Variants in PTPN9 observed in about 807,000 individuals in gnomAD.
PTPN9 encodes the protein tyrosine-protein phosphatase non-receptor type 9.
PTPN9 carries 26 observed loss-of-function variants against 69.8 expected under a neutral mutation model. That is an observed-to-expected ratio of 0.37 (90% confidence interval 0.27 to 0.52). The LOEUF (loss-of-function observed/expected upper bound fraction) is 0.52, where lower values mean the gene tolerates loss of function less well. Among genes scored for constraint, PTPN9 ranks in the 20% least tolerant of loss-of-function variants. PTPN9 has a pLI of 0.91. For synonymous variants in PTPN9, 274 were observed against 272.5 expected (o/e 1.01, Z -0.05); for missense variants, 549 against 740.3 (o/e 0.74, Z 3.00).
At chr15:75,556,303 C>A (rs2075077080) in intron 1 of PTPN9, among the ~76,000 whole-genome samples, 1 of 151,474 alleles carries the variant, frequency 6.6e-6, no homozygotes, top group Admixed American at 6.6e-5. Context: ...ACCTCGTGAT[C>A]CCCCCTGCCT....
chr15:75,503,294 T>C (rs2074785088), intron 7 of PTPN9, among the ~76,000 whole-genome samples: 1 of 140,512 alleles, frequency 7.1e-6, no homozygotes, highest in African/African-American at 2.8e-5. Context: ...CGCTGCCCCG[T>C]CTGGGATGTG....
At chr15:75,500,138 AC>A (rs2074764717) in intron 7 of PTPN9, among the ~76,000 whole-genome samples, 1 of 152,086 alleles carries the variant, frequency 6.6e-6, no homozygotes, top group East Asian at 1.9e-4. Context: ...ACACAGTGAA[AC>A]CCCATCTCTA....
Position 75,473,768 on chromosome 15 carries a change from C to G in PTPN9, c.1130-1G>C, listed in dbSNP as rs2074581350. On this transcript the variant is annotated splice_acceptor_variant, in intron 9 of 12. Transcript: ENST00000618819. LOFTEE classifies it high-confidence loss of function. ...TCACGATAGGTATTCTCCAAAGGACCTGAAATAAAAGGAGAAGACAAGAAA... is the reference window on the plus strand; with the variant it reads ...TCACGATAGGTATTCTCCAAAGGACGTGAAATAAAAGGAGAAGACAAGAAA... 1 of 1,563,822 alleles carries G rather than the reference C, an allele frequency of 6.4e-7. No homozygotes were observed.
At chr15:75,488,859 A>T (rs974618997) in intron 8 of PTPN9, among the ~76,000 whole-genome samples, 1 of 151,696 alleles carries the variant, frequency 6.6e-6, no homozygotes, top group African/African-American at 2.4e-5. Flanking sequence ...GGGGATGCAT[A>T]AGATGCAGGA....
intron 1 of PTPN9, among the ~76,000 whole-genome samples, chr15:75,576,580 C>A (rs764826679): frequency 1.3e-5 from 2 of 151,030 alleles, no homozygotes; most frequent in East Asian, 1.9e-4. Flanking sequence ...GAGGACGAGG[C>A]GGGCAGATCA....
chr15:75,481,700 G>A (rs1457875193), intron 8 of PTPN9, among the ~76,000 whole-genome samples: 1 of 2,810 alleles, frequency 3.6e-4, no homozygotes. Flanking sequence ...CGGGAGGGAG[G>A]TGGGGGGGGT....
intron 1 of PTPN9, among the ~76,000 whole-genome samples, chr15:75,561,242 G>A (rs1223021873): frequency 6.6e-6 from 1 of 151,818 alleles, no homozygotes; most frequent in Non-Finnish European, 1.5e-5. Context: ...TTAAACCCAG[G>A]CGATGGAGGT....
chr15:75,486,017 A>G (rs1852646058), intron 8 of PTPN9, among the ~76,000 whole-genome samples: 2 of 150,210 alleles, frequency 1.3e-5, no homozygotes, highest in Admixed American at 1.3e-4. Context: ...GGAGAATGGC[A>G]CGAACCCGGG....
chr15:75,474,117 C>A (rs971308355), intron 9 of PTPN9, among the ~76,000 whole-genome samples: 13 of 152,222 alleles, frequency 8.5e-5, no homozygotes, highest in African/African-American at 3.1e-4. Flanking sequence ...GTTTTCATCT[C>A]ACCTAAGCTT....
At chr15:75,534,049 TG>T (rs1398091567) in intron 1 of PTPN9, among the ~76,000 whole-genome samples, 1 of 152,198 alleles carries the variant, frequency 6.6e-6, no homozygotes, top group African/African-American at 2.4e-5. Context: ...GAAAGTTTAG[TG>T]TGGTTTTGGG....
chr15:75,469,827 A>G lies in PTPN9; in HGVS notation c.1532T>C (p.Ile511Thr), dbSNP rs753290383. ...RSKGQCPEPP[I>T]VVHCSAGIGR... ...AATGCCTGCACTGCAATGGACCACA[A>G]TGGGTGGCTCAGGGCACTGCCCTTT... is the stretch of plus-strand genomic sequence containing the variant. Residue 511 changes from isoleucine to threonine, a missense_variant, in exon 12 of 13, where the codon ATT becomes ACT. Transcript: ENST00000618819. The G allele has an allele frequency of 6.2e-7, 1 of 1,613,396 alleles. No homozygotes were observed. Among genetic ancestry groups the G allele is most frequent in the Non-Finnish European group, 8.5e-7 (1 of 1,180,012 alleles).
chr15:75,490,200 C>T lies in PTPN9; in HGVS notation c.1062+8G>A, dbSNP rs753859573. On this transcript the variant is annotated splice_region_variant and intron_variant, in intron 8 of 12. Transcript: ENST00000618819. ...GTGCACCTAAAAAGATTACATTTAT[C>T]TGTCTACCTGAGTATGGCCACTTCG... is the stretch of plus-strand genomic sequence containing the variant. 32 of 1,588,852 alleles carry T rather than the reference C, an allele frequency of 2.0e-5. No homozygotes were observed. The South Asian group carries it at 3.4e-4, about 17-fold the overall frequency.
chr15:75,558,687 C>T (rs1224642473), intron 1 of PTPN9, among the ~76,000 whole-genome samples: 2 of 152,204 alleles, frequency 1.3e-5, no homozygotes. Flanking sequence ...CGCCGCCACA[C>T]CTGACTGGTT....
intron 1 of PTPN9, among the ~76,000 whole-genome samples, chr15:75,553,436 G>A (rs542445703): frequency 5.9e-5 from 9 of 152,210 alleles, no homozygotes; most frequent in South Asian, 2.1e-4. Flanking sequence ...GAGGGTCACC[G>A]GCAAATTAGA....
At chr15:75,544,820 T>TC (rs372390286) in intron 1 of PTPN9, among the ~76,000 whole-genome samples, 7 of 152,190 alleles carry the variant, frequency 4.6e-5, no homozygotes, top group Admixed American at 3.9e-4. Flanking sequence ...ATTTTTTTTT[T>TC]CTCTTCTTCC....
chr15:75,470,394 G>T (rs2074557773), intron 11 of PTPN9, among the ~76,000 whole-genome samples: 1 of 152,234 alleles, frequency 6.6e-6, no homozygotes, highest in Non-Finnish European at 1.5e-5. Context: ...GGGCTCAAGT[G>T]ATCCTTCCAC....
Position 75,568,380 on chromosome 15 carries a change from C to T in PTPN9, c.63+10334G>A, listed in dbSNP as rs139876171. 5.0e-3 allele frequency among the ~76,000 whole-genome samples: 759 copies of T among 151,250 alleles called. 1 individual carries two copies. The highest frequency in any genetic ancestry group is 8.3e-3 in the Non-Finnish European group (565 of 67,776). ...CTGGGCATGGTGGTGTGGTGGTGCA[C>T]GCTTTTAGTCCCAGCTTCTTGGGAG... is the stretch of plus-strand genomic sequence containing the variant. On this transcript the variant is annotated intron_variant, in intron 1 of 12. Coordinates refer to ENST00000618819, the MANE Select transcript of PTPN9 (RefSeq NM_002833.4).
At chr15:75,520,472 AG>A (rs2074897351) in intron 4 of PTPN9, among the ~76,000 whole-genome samples, 2 of 142,438 alleles carry the variant, frequency 1.4e-5, no homozygotes, top group Admixed American at 7.0e-5. Context: ...ATAGATAGAT[AG>A]ATAGATAGAT....
intron 2 of PTPN9, among the ~76,000 whole-genome samples, chr15:75,526,257 G>A (rs577513129): frequency 6.6e-6 from 1 of 152,148 alleles, no homozygotes; most frequent in South Asian, 2.1e-4. Context: ...CTCCCAAAGT[G>A]CTGAGATTAC....
Sources: gnomAD v4.1 joint callset for allele counts (sites outside exome capture counted in the v4.1 genomes callset) on GRCh38, gnomAD v4.1.1 for gene constraint, MANE v1.5 for transcripts, NCBI Gene and HGNC (gene_info 2026-07-23, HGNC 2026-07-21) for gene names.